CHLSN: variants seen among roughly 807,000 people sequenced by gnomAD.
CHLSN encodes the protein protein cholesin.
At chr7:992,827 C>T in the CHLSN span, among the ~76,000 whole-genome samples, 10 of 152,226 alleles carry the variant, frequency 6.6e-5, no homozygotes, top group East Asian at 3.8e-4. Context: ...GACAGCTCAG[C>T]CTAGCGCCCA....
chr7:1,070,917 CA>C, the CHLSN span, among the ~76,000 whole-genome samples: 8 of 114,556 alleles, frequency 7.0e-5, no homozygotes, highest in African/African-American at 2.4e-4. Context: ...CGCACACACA[CA>C]GCACGCACAG....
the CHLSN span, among the ~76,000 whole-genome samples, chr7:999,108 T>A: frequency 3.9e-5 from 6 of 152,334 alleles, no homozygotes; most frequent in Non-Finnish European, 7.3e-5. Flanking sequence ...TACACACATA[T>A]AAATGGCTAA....
chr7:1,008,988 AAC>A, the CHLSN span, among the ~76,000 whole-genome samples: 720 of 94,968 alleles, frequency 7.6e-3, 7 homozygotes, highest in African/African-American at 0.033. Flanking sequence ...CACCCATGCG[AAC>A]ACACATACAC....
the CHLSN span, among the ~76,000 whole-genome samples, chr7:1,054,338 A>C: frequency 6.6e-6 from 1 of 152,232 alleles, no homozygotes; most frequent in African/African-American, 2.4e-5. Flanking sequence ...CTGCACAGAG[A>C]GCAACCTGCA....
chr7:1,019,385 G>A, the CHLSN span, among the ~76,000 whole-genome samples: 4,691 of 152,262 alleles, frequency 0.031, 105 homozygotes, highest in African/African-American at 0.05. Flanking sequence ...CCCCATGCCA[G>A]GTTGTTGATC....
the CHLSN span, among the ~76,000 whole-genome samples, chr7:1,134,564 G>A: frequency 1.4e-5 from 2 of 144,534 alleles, no homozygotes; most frequent in South Asian, 4.5e-4. Flanking sequence ...GTGACACTGT[G>A]TCTCTAAATA....
the CHLSN span, among the ~76,000 whole-genome samples, chr7:1,130,396 C>T: frequency 2.0e-4 from 30 of 152,136 alleles, no homozygotes; most frequent in Non-Finnish European, 3.4e-4. Context: ...TGGCAGCGGG[C>T]AGGGACAAGG....
At chr7:1,017,029 C>G in the CHLSN span, among the ~76,000 whole-genome samples, 9 of 150,924 alleles carry the variant, frequency 6.0e-5, no homozygotes, top group African/African-American at 2.2e-4. Context: ...GCAGCGCCCA[C>G]CCACGCACCC....
At chr7:1,024,130 A>G in the CHLSN span, among the ~76,000 whole-genome samples, 2 of 152,200 alleles carry the variant, frequency 1.3e-5, no homozygotes, top group Non-Finnish European at 2.9e-5. Flanking sequence ...CTCCTGGGCC[A>G]CAGCGATCCT....
At chr7:1,000,557 G>A in the CHLSN span, 15 of 1,601,840 alleles carry the variant, frequency 9.4e-6, no homozygotes, top group South Asian at 1.1e-5. Context: ...CCCATCTAGG[G>A]AAAGAAAGAC....
At chr7:982,740 G>A in the CHLSN span, among the ~76,000 whole-genome samples, 1 of 152,362 alleles carries the variant, frequency 6.6e-6, no homozygotes, top group East Asian at 1.9e-4. Context: ...GGGTGCACAC[G>A]GATGGGGTTT....
the CHLSN span, among the ~76,000 whole-genome samples, chr7:1,018,599 C>G: frequency 1.3e-5 from 2 of 152,172 alleles, no homozygotes; most frequent in African/African-American, 2.4e-5. Context: ...CGGGTGGGGT[C>G]CAGCCCAGAG....
At chr7:1,068,702 A>T in the CHLSN span, among the ~76,000 whole-genome samples, 6 of 152,210 alleles carry the variant, frequency 3.9e-5, no homozygotes, top group African/African-American at 1.4e-4. Context: ...TCTATGACGA[A>T]AGTTTTACTC....
chr7:1,084,415 T>C, the CHLSN span, among the ~76,000 whole-genome samples: 5 of 152,222 alleles, frequency 3.3e-5, no homozygotes, highest in Non-Finnish European at 5.9e-5. Flanking sequence ...TCTTCCAGCA[T>C]GTGTTAGCTC....
the CHLSN span, among the ~76,000 whole-genome samples, chr7:1,030,737 ACT>A: frequency 0.67 from 97,298 of 145,862 alleles, 33,204 homozygotes; most frequent in African/African-American, 0.87. Flanking sequence ...GCAGGGGGGG[ACT>A]CTCTCTCTCT....
the CHLSN span, chr7:1,092,585 G>A: frequency 2.4e-5 from 38 of 1,611,252 alleles, no homozygotes; most frequent in African/African-American, 2.7e-4. Context: ...CTCCTGCAGC[G>A]GACGCAGCCT....
chr7:1,028,298 CG>C, the CHLSN span: 1 of 1,059,592 alleles, frequency 9.4e-7, no homozygotes, highest in Non-Finnish European at 1.1e-6. Context: ...CGGACGGCGC[CG>C]GGGCAGGGAT....
At chr7:1,017,121 C>T in the CHLSN span, among the ~76,000 whole-genome samples, 1 of 152,346 alleles carries the variant, frequency 6.6e-6, no homozygotes, top group South Asian at 2.1e-4. Flanking sequence ...CTGAGGGCCA[C>T]GCGGGCCCAG....
chr7:989,993 T>C, the CHLSN span, among the ~76,000 whole-genome samples: 7 of 79,556 alleles, frequency 8.8e-5, 1 homozygote. Context: ...GGGGGCGGTG[T>C]GGTCGGCAGT....
Sources: allele counts gnomAD v4.1 joint callset (sites outside exome capture counted in the v4.1 genomes callset), GRCh38; gene constraint gnomAD v4.1.1; transcripts MANE v1.5; gene names NCBI Gene and HGNC (gene_info 2026-07-23, HGNC 2026-07-21).